B4GALNT1: variants seen among roughly 807,000 people sequenced by gnomAD.
The protein encoded by B4GALNT1 is beta-1,4 N-acetylgalactosaminyltransferase 1.
Under a neutral mutation model 55.2 loss-of-function variants are expected in B4GALNT1, and 43 were observed. The ratio of observed to expected loss-of-function variants is 0.78; its 90% CI spans 0.61 to 1.00. The LOEUF is 1.00. Among genes scored for constraint, B4GALNT1 ranks in the 50% least tolerant of loss-of-function variants. The pLI, the probability that B4GALNT1 is intolerant of heterozygous loss-of-function variation, is 0.00. For synonymous variants in B4GALNT1, 305 were observed against 311.6 expected (o/e 0.98, Z 0.22); for missense variants, 664 against 729.7 (o/e 0.91, Z 1.04).
chr12:57,630,055 C>T, intron 6 of B4GALNT1, 97 bp downstream of exon 6: 1 of 1,601,338 alleles, frequency 6.2e-7, no homozygotes, highest in African/African-American at 1.3e-5. Flanking sequence ...GGCCATAGCC[C>T]AGATGCCTCC....
Position 57,630,346 on chromosome 12 carries a change from G to A in B4GALNT1, c.532-14C>T. The A allele has an allele frequency of 2.5e-6, 4 of 1,612,850 alleles. No homozygotes were observed. The highest frequency in any genetic ancestry group is 3.4e-6 in the Non-Finnish European group (4 of 1,179,148). On this transcript the variant is annotated splice_polypyrimidine_tract_variant and intron_variant, in intron 5 of 10. Transcript: ENST00000341156. ...AGTCAGGTTCACCTAGGAGGGGATTGGAGAGTGCAGGGTTAGGCCCCAGAC... is the reference window on the plus strand; with the variant it reads ...AGTCAGGTTCACCTAGGAGGGGATTAGAGAGTGCAGGGTTAGGCCCCAGAC...
Position 57,624,798 on chromosome 12 carries a change from G to T in B4GALNT1, c.*1946C>A, listed in dbSNP as rs1355743168. On this transcript the variant is annotated 3_prime_UTR_variant, in exon 11 of 11. Transcript: ENST00000341156. ...CCACTCAGAGGAAGCCCCAGGGTGG[G>T]TGGGCTGCAGCCAAAGAAGGAAGGG... 13 of 1,462,474 alleles carry T rather than the reference G, an allele frequency of 8.9e-6. No individual in the cohort carries two copies. The African/African-American group carries it at 1.7e-4, about 19-fold the overall frequency. The allele number at this position is 1,462,474 out of a possible 1,614,324, so 90.6% of individuals were successfully genotyped here.
At chr12:57,628,090 T>C in intron 9 of B4GALNT1, 32 bp downstream of exon 9, 1 of 1,611,216 alleles carries the variant, frequency 6.2e-7, no homozygotes, top group Non-Finnish European at 8.5e-7. Context: ...AAGGCCCTTC[T>C]CCACCCCCAC....
In B4GALNT1 at chr12:57,631,243, C is replaced by A. The variant is rs754575419; in HGVS notation, c.340G>T (p.Ala114Ser). Residue 114 changes from alanine to serine, a missense_variant, in exon 3 of 11, where the codon GCC becomes TCC. Coordinates refer to ENST00000341156, the MANE Select transcript of B4GALNT1 (RefSeq NM_001478.5). The part of the protein sequence containing the change: ...KAFDPAELRA[A>S]SATREQEFQA... ...AACTCCTGCTCTCTTGTGGCAGAGG[C>A]AGCCCTCAGCTCTGCAGGGTCAAAG... is the stretch of plus-strand genomic sequence containing the variant. The A allele has an allele frequency of 6.2e-7, 1 of 1,614,176 alleles. No individual in the cohort carries two copies. Among genetic ancestry groups the A allele is most frequent in the Non-Finnish European group, 8.5e-7 (1 of 1,180,024 alleles).
intron 4 of B4GALNT1, 125 bp from the exon 5 acceptor site, chr12:57,630,643 G>T: frequency 8.7e-7 from 1 of 1,145,938 alleles, no homozygotes. Context: ...TGAGGCCTCA[G>T]CAGGGCACAC....
chr12:57,627,828 A>C lies in B4GALNT1; in HGVS notation c.1174T>G (p.Phe392Val). Residue 392 changes from phenylalanine to valine, a missense_variant, in exon 10 of 11, where the codon TTT (phenylalanine) becomes GTT (valine). Coordinates refer to ENST00000341156, the MANE Select transcript of B4GALNT1 (RefSeq NM_001478.5). ...VGGAVREISG[F>V]ATTYRQLLSV... ...AGCAGCTGCCGATAAGTGGTGGCAA[A>C]GCCGGAGATCTCGCGCACCGCGCCC... is the stretch of plus-strand genomic sequence containing the variant. The C allele has an allele frequency of 6.3e-7, 1 of 1,590,076 alleles. No homozygotes were observed.
chr12:57,626,721 A>G lies in B4GALNT1; in HGVS notation c.*23T>C. On this transcript the variant is annotated 3_prime_UTR_variant, in exon 11 of 11. Coordinates refer to ENST00000341156, the MANE Select transcript of B4GALNT1 (RefSeq NM_001478.5). Reference sequence around the variant, plus strand: ...GACAAGGAGGCAGGCCCAGCCTGACAGTCAGAAATCCCCAGCGGGCCATCA... The same window carrying G: ...GACAAGGAGGCAGGCCCAGCCTGACGGTCAGAAATCCCCAGCGGGCCATCA... 6.2e-7 allele frequency: 1 copy of G among 1,613,396 alleles called. No individual in the cohort carries two copies. The highest frequency in any genetic ancestry group is 8.5e-7 in the Non-Finnish European group (1 of 1,179,388).
rs759270517 is a variant in B4GALNT1, at chr12:57,625,606, G to C, written c.*1138C>G. On this transcript the variant is annotated 3_prime_UTR_variant, in exon 11 of 11. Transcript: ENST00000341156. ...GCCTTGGTGCAGGGGACACTGACCC[G>C]GGTAGGACTCCTGGACAGGGTGACT... The C allele has an allele frequency of 1.9e-6, 3 of 1,592,354 alleles. No homozygotes were observed. The highest frequency in any genetic ancestry group is 1.7e-5 in the Admixed American group (1 of 58,226).
rs756093695 is a variant in B4GALNT1, at chr12:57,625,537, C to T, written c.*1207G>A. 2.3e-5 allele frequency: 37 copies of T among 1,612,160 alleles called. No individual in the cohort carries two copies. Among genetic ancestry groups the T allele is most frequent in the Non-Finnish European group, 2.2e-5 (26 of 1,178,780 alleles). Reference sequence around the variant, plus strand: ...GACACCTGCGGTAGGGAAAAGGACCCGGTGTGGACTTAGGGTCTCAGAGTC... The same window carrying T: ...GACACCTGCGGTAGGGAAAAGGACCTGGTGTGGACTTAGGGTCTCAGAGTC... On this transcript the variant is annotated 3_prime_UTR_variant, in exon 11 of 11. Transcript: ENST00000341156.
At chr12:57,629,461 C>T (rs889794520) in intron 6 of B4GALNT1, 2 of 320,856 alleles carry the variant, frequency 6.2e-6, no homozygotes, top group South Asian at 2.0e-4. Context: ...GAAAAAAAAG[C>T]TGAGACACAG....
At position 57,631,252 on chromosome 12, in the gene B4GALNT1, G is replaced by C. The variant is rs1885191934; in HGVS notation, c.331C>G (p.Leu111Val). The C allele has an allele frequency of 3.1e-6, 5 of 1,614,180 alleles. No homozygotes were observed. The highest frequency in any genetic ancestry group is 4.2e-6 in the Non-Finnish European group (5 of 1,180,024). Residue 111 changes from leucine (L) to valine (V), a missense_variant, in exon 3 of 11, where the codon CTG becomes GTG. Leu to Val is a conservative substitution (Grantham distance 32). Coordinates refer to ENST00000341156, the MANE Select transcript of B4GALNT1 (RefSeq NM_001478.5). The stretch of plus-strand genomic sequence containing the variant: ...TCTCTTGTGGCAGAGGCAGCCCTCA[G>C]CTCTGCAGGGTCAAAGGCCTTGGTG... ...DLTKAFDPAE[L>V]RAASATREQE...
In B4GALNT1 at chr12:57,629,958, C is replaced by T. The variant is rs1382848; in HGVS notation, c.712+194G>A. ...AAGGCTCGGGTTTCCCTCTGGCCTG[C>T]TCCAGCCCCAGATGAACAAAGGCCC... On this transcript the variant is annotated intron_variant, in intron 6 of 10. Coordinates refer to ENST00000341156, the MANE Select transcript of B4GALNT1 (RefSeq NM_001478.5). The T allele has an allele frequency of 8.1e-4, 1,244 of 1,536,838 alleles. 21 individuals carry two copies. In the Admixed American group the frequency reaches 0.021, roughly 26 times the overall value.
Position 57,631,981 on chromosome 12 carries a change from A to C in B4GALNT1, c.152T>G (p.Leu51Arg). 1 of 1,456,388 alleles carries C rather than the reference A, an allele frequency of 6.9e-7. No individual in the cohort carries two copies. The highest frequency in any genetic ancestry group is 9.1e-7 in the Non-Finnish European group (1 of 1,104,536). The allele number at this position is 1,456,388 out of a possible 1,614,324, so 90.2% of individuals were successfully genotyped here. The change falls in exon 2 of 11, where the codon CTG becomes CGG. Residue 51 changes from leucine to arginine, a missense_variant. By Grantham distance (102) the Leu-to-Arg change is moderately radical. Coordinates refer to ENST00000341156, the MANE Select transcript of B4GALNT1 (RefSeq NM_001478.5). Reference sequence around the variant, plus strand: ...GCGGGGCTCAGGAGCAAGATCTGGCAGCTCGGGCCTGCGGGGGCTTTGCGG... The same window carrying C: ...GCGGGGCTCAGGAGCAAGATCTGGCCGCTCGGGCCTGCGGGGGCTTTGCGG... ...APPQSPRRPE[L>R]PDLAPEPRYA...
chr12:57,625,419 C>A lies in B4GALNT1; in HGVS notation c.*1325G>T, dbSNP rs151077423. On this transcript the variant is annotated 3_prime_UTR_variant, in exon 11 of 11. Transcript: ENST00000341156. ...TGCCCCATCCCTGCAGCTGGCCAGC[C>A]GATGTCGAGATGCTAGGATCCGCCT... 1.2e-6 allele frequency: 2 copies of A among 1,614,020 alleles called. No individual in the cohort carries two copies. Among genetic ancestry groups the A allele is most frequent in the Non-Finnish European group, 8.5e-7 (1 of 1,180,034 alleles).
intron 2 of B4GALNT1, 64 bp from the exon 3 acceptor site, chr12:57,631,428 C>T: frequency 6.4e-7 from 1 of 1,570,708 alleles, no homozygotes; most frequent in Non-Finnish European, 8.7e-7. Flanking sequence ...ATCCCATAAA[C>T]ACTGACACAG....
Position 57,625,372 on chromosome 12 carries a change from C to G in B4GALNT1, c.*1372G>C, listed in dbSNP as rs1884734188. 6.2e-7 allele frequency: 1 copy of G among 1,614,146 alleles called. No individual in the cohort carries two copies. Among genetic ancestry groups the G allele is most frequent in the East Asian group, 2.2e-5 (1 of 44,882 alleles). ...CCCCTTAGCATCTCACTCATACCCT[C>G]TGATCTGGGACTTAACCCCTTTGCC... On this transcript the variant is annotated 3_prime_UTR_variant, in exon 11 of 11. Coordinates refer to ENST00000341156, the MANE Select transcript of B4GALNT1 (RefSeq NM_001478.5).
chr12:57,627,286 T>TATAA (rs1284053306), intron 10 of B4GALNT1, among the ~76,000 whole-genome samples: 1 of 151,794 alleles, frequency 6.6e-6, no homozygotes, highest in Non-Finnish European at 1.5e-5. Context: ...GGGAAGCTTA[T>TATAA]GGGGGCCCAG....
rs775058556 is a variant in B4GALNT1, at chr12:57,626,728, A to C, written c.*16T>G. 2 of 1,613,784 alleles carry C rather than the reference A, an allele frequency of 1.2e-6. No individual in the cohort carries two copies. Among genetic ancestry groups the C allele is most frequent in the Non-Finnish European group, 1.7e-6 (2 of 1,179,728 alleles). ...AGGCAGGCCCAGCCTGACAGTCAGAAATCCCCAGCGGGCCATCACTGGGAG... is the reference window on the plus strand; with the variant it reads ...AGGCAGGCCCAGCCTGACAGTCAGACATCCCCAGCGGGCCATCACTGGGAG... On this transcript the variant is annotated 3_prime_UTR_variant, in exon 11 of 11. Transcript: ENST00000341156.
At position 57,628,854 on chromosome 12, in the gene B4GALNT1, G is replaced by A; in HGVS notation, c.861C>T (p.Leu287=). 6.2e-7 allele frequency: 1 copy of A among 1,614,256 alleles called. No individual in the cohort carries two copies. Among genetic ancestry groups the A allele is most frequent in the Non-Finnish European group, 8.5e-7 (1 of 1,180,044 alleles). The part of the protein sequence containing the change: ...ALVTIATKTF[L]RYDRLRALIT... ...TGAGAGCCCGTAGCCGATCATAACGGAGGAAGGTCTTGGTGGCAATCGTGA... is the reference window on the plus strand; with the variant it reads ...TGAGAGCCCGTAGCCGATCATAACGAAGGAAGGTCTTGGTGGCAATCGTGA... The change falls in exon 8 of 11, where the codon CTC becomes CTT. Residue 287 remains leucine (L), a synonymous_variant. Transcript: ENST00000341156.
Sources: gnomAD v4.1 joint callset for allele counts (sites outside exome capture counted in the v4.1 genomes callset) on GRCh38, gnomAD v4.1.1 for gene constraint, MANE v1.5 for transcripts, NCBI Gene and HGNC (gene_info 2026-07-23, HGNC 2026-07-21) for gene names.